Variants in PDE4B observed in about 807,000 individuals in gnomAD.
PDE4B encodes phosphodiesterase 4B, also known as 3',5'-cyclic-AMP phosphodiesterase 4B.
PDE4B carries 20 observed loss-of-function variants against 82.2 expected under a neutral mutation model. The ratio of observed to expected loss-of-function variants is 0.24; its 90% CI spans 0.17 to 0.35. The LOEUF (loss-of-function observed/expected upper bound fraction) is 0.35. Ranked by LOEUF, PDE4B falls within the 10% of genes least tolerant of loss-of-function variation. The pLI is 1.00. For synonymous variants in PDE4B, 320 were observed against 318.9 expected, an observed-to-expected ratio of 1.00 and a Z score of -0.04; for missense variants, 655 against 907.2, an observed-to-expected ratio of 0.72 and a Z score of 3.57.
At chr1:66,339,824 GT>G (rs956100260) in intron 8 of PDE4B, among the ~76,000 whole-genome samples, 156 of 139,080 alleles carry the variant, frequency 1.1e-3, no homozygotes, top group African/African-American at 3.0e-3. Context: ...AAATTGTTTA[GT>G]TTTTTTTTGT....
At chr1:66,200,584 A>G (rs1265047584) in intron 3 of PDE4B, among the ~76,000 whole-genome samples, 1 of 152,006 alleles carries the variant, frequency 6.6e-6, no homozygotes, top group Non-Finnish European at 1.5e-5. Context: ...TTGGATTCCT[A>G]GGTATTTTAT....
rs1215626577 is a variant in PDE4B, at chr1:66,365,711, T to C, written c.1329T>C (p.Ala443=). Residue 443 remains alanine, a synonymous_variant, in exon 13 of 17, where the codon GCT becomes GCC. Coordinates refer to ENST00000341517, the MANE Select transcript of PDE4B (RefSeq NM_002600.4). ...AGATCCTGGCTGCCATTTTTGCAGC[T>C]GCCATCCATGACGTTGATCATCCTG... is the stretch of plus-strand genomic sequence containing the variant. ...DLEILAAIFA[A]AIHDVDHPGV... is the part of the protein sequence containing the mutation. 1 of 1,609,844 alleles carries C rather than the reference T, an allele frequency of 6.2e-7. No homozygotes were observed. Among genetic ancestry groups the C allele is most frequent in the African/African-American group, 1.3e-5 (1 of 74,882 alleles).
intron 3 of PDE4B, among the ~76,000 whole-genome samples, chr1:65,946,482 C>A (rs1648719238): frequency 6.6e-6 from 1 of 151,986 alleles, no homozygotes; most frequent in African/African-American, 2.4e-5. Context: ...ATGGTATGAA[C>A]TGTCTCTAGC....
At chr1:66,262,278 G>A (rs1438734837) in intron 6 of PDE4B, among the ~76,000 whole-genome samples, 2 of 152,198 alleles carry the variant, frequency 1.3e-5, no homozygotes, top group Non-Finnish European at 2.9e-5. Context: ...AAGCAACATA[G>A]GTAAAACTCC....
At chr1:65,864,201 C>T (rs548362224) in intron 1 of PDE4B, among the ~76,000 whole-genome samples, 26 of 151,858 alleles carry the variant, frequency 1.7e-4, no homozygotes, top group Non-Finnish European at 2.9e-4. Context: ...CTGTGTTTTT[C>T]AGCTCCACCG....
chr1:66,009,023 T>C (rs1652315595), intron 3 of PDE4B, among the ~76,000 whole-genome samples: 1 of 152,136 alleles, frequency 6.6e-6, no homozygotes, highest in African/African-American at 2.4e-5. Flanking sequence ...TAGATCTATG[T>C]CTCTCTCCAG....
intron 1 of PDE4B, among the ~76,000 whole-genome samples, chr1:65,831,108 C>A (rs935999917): frequency 6.6e-6 from 1 of 151,680 alleles, no homozygotes; most frequent in Non-Finnish European, 1.5e-5. Context: ...CAAGCTTACA[C>A]CTTGAGAAAT....
chr1:66,200,206 T>C (rs917370497), intron 3 of PDE4B, among the ~76,000 whole-genome samples: 1 of 152,198 alleles, frequency 6.6e-6, no homozygotes, highest in Non-Finnish European at 1.5e-5. Context: ...TTGGTCTATA[T>C]CTCTGTTTTG....
chr1:66,280,788 C>T (rs1054777441), intron 7 of PDE4B, among the ~76,000 whole-genome samples: 6 of 152,024 alleles, frequency 3.9e-5, no homozygotes, highest in East Asian at 1.9e-4. Context: ...CCTATGTTTC[C>T]GGTAAGTCTT....
At chr1:66,163,538 C>T (rs1646660537) in intron 3 of PDE4B, among the ~76,000 whole-genome samples, 1 of 151,722 alleles carries the variant, frequency 6.6e-6, no homozygotes, top group African/African-American at 2.4e-5. Flanking sequence ...AGTATAGATT[C>T]TTATTTTTCA....
intron 3 of PDE4B, among the ~76,000 whole-genome samples, chr1:66,014,207 T>C (rs1281992526): frequency 6.6e-6 from 1 of 152,174 alleles, no homozygotes; most frequent in Non-Finnish European, 1.5e-5. Context: ...TTGTCAGATA[T>C]ATGATTTGCA....
chr1:66,200,405 G>A (rs977540143), intron 3 of PDE4B, among the ~76,000 whole-genome samples: 3 of 152,096 alleles, frequency 2.0e-5, no homozygotes, highest in Non-Finnish European at 2.9e-5. Context: ...AGCTTGATGG[G>A]GATGGCACTG....
chr1:65,818,205 A>G (rs772476334), intron 1 of PDE4B, among the ~76,000 whole-genome samples: 7 of 152,154 alleles, frequency 4.6e-5, no homozygotes, highest in Non-Finnish European at 1.0e-4. Flanking sequence ...GCCACTTTCT[A>G]TGTCACAAAA....
intron 1 of PDE4B, among the ~76,000 whole-genome samples, chr1:65,821,779 A>C (rs1353164849): frequency 2.0e-5 from 3 of 152,246 alleles, no homozygotes; most frequent in Non-Finnish European, 2.9e-5. Flanking sequence ...CATAAGAATC[A>C]ACTGTAGAGT....
chr1:66,011,221 G>T (rs1225188509), intron 3 of PDE4B, among the ~76,000 whole-genome samples: 1 of 45,614 alleles, frequency 2.2e-5, no homozygotes, highest in Non-Finnish European at 4.5e-5. Context: ...ACATTCATCT[G>T]CCAAAAAAAA....
At chr1:66,221,650 A>T (rs1173024317) in intron 3 of PDE4B, among the ~76,000 whole-genome samples, 1 of 152,116 alleles carries the variant, frequency 6.6e-6, no homozygotes, top group Non-Finnish European at 1.5e-5. Flanking sequence ...TGTCCTCATT[A>T]TATATTTTAT....
chr1:66,100,183 A>G (rs1185180786), intron 3 of PDE4B, among the ~76,000 whole-genome samples: 1 of 151,956 alleles, frequency 6.6e-6, no homozygotes, highest in Non-Finnish European at 1.5e-5. Context: ...CCTCCCAAGT[A>G]ACTGTGACTA....
At chr1:65,835,847 A>G (rs1245680634) in intron 1 of PDE4B, among the ~76,000 whole-genome samples, 1 of 152,188 alleles carries the variant, frequency 6.6e-6, no homozygotes, top group African/African-American at 2.4e-5. Flanking sequence ...TTGAAAATTC[A>G]GTATATCCAG....
intron 3 of PDE4B, among the ~76,000 whole-genome samples, chr1:65,971,700 C>T (rs1650148429): frequency 6.6e-6 from 1 of 152,068 alleles, no homozygotes; most frequent in Admixed American, 6.5e-5. Flanking sequence ...TGAAAATATT[C>T]AGAGAGGATG....
Sources: allele counts gnomAD v4.1 joint callset (sites outside exome capture counted in the v4.1 genomes callset), GRCh38; gene constraint gnomAD v4.1.1; transcripts MANE v1.5; gene names NCBI Gene and HGNC (gene_info 2026-07-23, HGNC 2026-07-21).